Variants in LRIF1 observed in about 807,000 individuals in gnomAD.
LRIF1 encodes the protein ligand-dependent nuclear receptor-interacting factor 1.
LRIF1 carries 32 observed loss-of-function variants against 52.7 expected under a neutral mutation model. That is an observed-to-expected ratio of 0.61 (90% CI 0.46 to 0.82). LRIF1 has a LOEUF of 0.82. Among genes scored for constraint, LRIF1 ranks in the 40% least tolerant of loss-of-function variants. The pLI is 0.00. For synonymous variants in LRIF1, 323 were observed against 317.4 expected, an observed-to-expected ratio of 1.02 and a Z score of -0.19; for missense variants, 887 against 892.0, an observed-to-expected ratio of 0.99 and a Z score of 0.07.
downstream of LRIF1, chr1:110,944,328 G>C (rs557133963): frequency 6.6e-6 from 1 of 152,286 alleles, no homozygotes; most frequent in South Asian, 2.1e-4. Context: ...GCTAGTTTGA[G>C]GGAAGAGCAA....
the LRIF1 span, among the ~76,000 whole-genome samples, chr1:110,923,346 C>A: frequency 1.3e-5 from 2 of 152,050 alleles, no homozygotes; most frequent in Admixed American, 6.6e-5. Flanking sequence ...AACAAAGTTT[C>A]TTTTACCATG....
the LRIF1 span, among the ~76,000 whole-genome samples, chr1:110,877,027 A>T: frequency 2.4e-4 from 36 of 152,208 alleles, no homozygotes; most frequent in African/African-American, 8.7e-4. Context: ...ATTAACACTT[A>T]TGCAATATAA....
the LRIF1 span, among the ~76,000 whole-genome samples, chr1:110,931,444 T>G: frequency 6.6e-6 from 1 of 152,222 alleles, no homozygotes; most frequent in Non-Finnish European, 1.5e-5. Context: ...GCAAGAAACA[T>G]ATGTGTGCAT....
At chr1:110,939,517 C>T in the LRIF1 span, 1 of 150,836 alleles carries the variant, frequency 6.6e-6, no homozygotes, top group Admixed American at 6.6e-5. Context: ...CCACAAAAGA[C>T]CAAGAAGAGC....
At chr1:110,958,862 T>A (rs986675982) in intron 1 of LRIF1, among the ~76,000 whole-genome samples, 11 of 152,184 alleles carry the variant, frequency 7.2e-5, no homozygotes, top group African/African-American at 1.2e-4. Flanking sequence ...ATAATTTTTT[T>A]AAAAATCCAT....
In LRIF1 at chr1:110,951,410, C is replaced by G; in HGVS notation, c.1474G>C (p.Val492Leu). 1 of 1,614,048 alleles carries G rather than the reference C, an allele frequency of 6.2e-7. No individual in the cohort carries two copies. The highest frequency in any genetic ancestry group is 8.5e-7 in the Non-Finnish European group (1 of 1,179,968). The change falls in exon 2 of 4, where the codon GTA becomes CTA. Residue 492 changes from valine (V) to leucine (L), a missense_variant. By Grantham distance (32) the Val-to-Leu change is conservative. Transcript: ENST00000369763. The part of the protein sequence containing the change: ...FSTGHNAPRK[V>L]TAVIYARKGS... The stretch of plus-strand genomic sequence containing the variant: ...TTTCTAGCATAAATGACGGCTGTTA[C>G]TTTTCTGGGGGCATTGTGTCCTGTA...
chr1:110,932,156 T>C, the LRIF1 span, among the ~76,000 whole-genome samples: 1 of 152,262 alleles, frequency 6.6e-6, no homozygotes, highest in Non-Finnish European at 1.5e-5. Flanking sequence ...GAGTGAATTT[T>C]TGAATACGGT....
At chr1:110,909,228 C>T in the LRIF1 span, among the ~76,000 whole-genome samples, 1 of 152,086 alleles carries the variant, frequency 6.6e-6, no homozygotes, top group Non-Finnish European at 1.5e-5. Context: ...TAAGGGAGGG[C>T]TAAACATGGA....
At chr1:110,954,200 C>T (rs915626087) in intron 1 of LRIF1, among the ~76,000 whole-genome samples, 1 of 152,048 alleles carries the variant, frequency 6.6e-6, no homozygotes, top group Non-Finnish European at 1.5e-5. Flanking sequence ...TTTCTGCAGC[C>T]CGAATAACAT....
Position 110,951,892 on chromosome 1 carries a change from GTAT to G in LRIF1, c.989_991del (p.Asn330del). 2 of 1,613,904 alleles carry G rather than the reference GTAT, an allele frequency of 1.2e-6. No homozygotes were observed. Among genetic ancestry groups the G allele is most frequent in the East Asian group, 4.5e-5 (2 of 44,868 alleles). ...GGTACTCAATGGTGGCATATTTATA[GTAT>G]TATCTCCCAAATTTTTCCTATCTAC... On this transcript the variant is annotated inframe_deletion, in exon 2 of 4. Transcript: ENST00000369763.
chr1:110,952,927 C>T, intron 1 of LRIF1, 112 bp from the exon 2 acceptor site: 2 of 619,636 alleles, frequency 3.2e-6, no homozygotes, highest in Non-Finnish European at 4.5e-6. Context: ...ATATAATTTT[C>T]CATTTTGAGT....
intron 1 of LRIF1, chr1:110,963,390 C>G (rs1659048023): frequency 1.2e-5 from 4 of 341,848 alleles, no homozygotes; most frequent in Non-Finnish European, 2.2e-5. Context: ...ACTTGAGACG[C>G]TGGGGTCCCG....
At chr1:110,903,272 C>T in the LRIF1 span, among the ~76,000 whole-genome samples, 1 of 152,184 alleles carries the variant, frequency 6.6e-6, no homozygotes, top group Non-Finnish European at 1.5e-5. Context: ...GGGCATGTGA[C>T]CTACTAAGAC....
chr1:110,935,489 T>C, the LRIF1 span, among the ~76,000 whole-genome samples: 55 of 152,316 alleles, frequency 3.6e-4, 2 homozygotes, highest in African/African-American at 1.3e-3. Flanking sequence ...AACAAAGAGA[T>C]TGAAATAATT....
chr1:110,929,658 G>A, the LRIF1 span, among the ~76,000 whole-genome samples: 80 of 152,052 alleles, frequency 5.3e-4, no homozygotes, highest in Middle Eastern at 3.4e-3. Flanking sequence ...CTGGATATTA[G>A]ATCTTTGTCA....
the LRIF1 span, among the ~76,000 whole-genome samples, chr1:110,924,899 G>C: frequency 6.6e-6 from 1 of 152,062 alleles, no homozygotes; most frequent in Non-Finnish European, 1.5e-5. Context: ...GAAAACTAAC[G>C]TAATTCATCA....
chr1:110,911,097 G>C, the LRIF1 span, among the ~76,000 whole-genome samples: 2 of 151,848 alleles, frequency 1.3e-5, no homozygotes, highest in African/African-American at 4.8e-5. Context: ...AGGAACAGTA[G>C]CTCACTATAG....
rs368864945 is a variant in LRIF1 at position 110,952,422 on chromosome 1, G to C, written c.462C>G (p.Pro154=). ...TAAAAGATGAGTCTTTTTGTGTTGA[G>C]GGAGGAACAGCAAATGTTTGCATGG... ...GLTMQTFAVP[P]STQKDSSFIV... is the part of the protein sequence containing the mutation. The change falls in exon 2 of 4, where the codon CCC becomes CCG. Residue 154 remains proline (P), a synonymous_variant. Transcript: ENST00000369763. 5 of 1,612,232 alleles carry C rather than the reference G, an allele frequency of 3.1e-6. No homozygotes were observed. The highest frequency in any genetic ancestry group is 4.2e-6 in the Non-Finnish European group (5 of 1,178,478).
chr1:110,879,628 T>C, the LRIF1 span, among the ~76,000 whole-genome samples: 1 of 152,198 alleles, frequency 6.6e-6, no homozygotes, highest in African/African-American at 2.4e-5. Flanking sequence ...AGCGTAATGG[T>C]CTATGTAGCA....
Sources: gnomAD v4.1 joint callset for allele counts (sites outside exome capture counted in the v4.1 genomes callset) on GRCh38, gnomAD v4.1.1 for gene constraint, MANE v1.5 for transcripts, NCBI Gene and HGNC (gene_info 2026-07-23, HGNC 2026-07-21) for gene names.